KIF22: variants seen among roughly 807,000 people sequenced by gnomAD.
KIF22 encodes kinesin-like protein KIF22.
In KIF22, 62 loss-of-function variants were observed where a neutral mutation model predicts 73.0. The ratio of observed to expected loss-of-function variants is 0.85; its 90% CI spans 0.69 to 1.05. The LOEUF is 1.05. Ranked by LOEUF, KIF22 falls within the 50% of genes least tolerant of loss-of-function variation. The pLI, the probability that KIF22 is intolerant of heterozygous loss-of-function variation, is 0.00. For missense variants in KIF22, 854 were observed against 870.1 expected, an observed-to-expected ratio of 0.98 and a Z score of 0.23; for synonymous variants, 411 against 340.1, an observed-to-expected ratio of 1.21 and a Z score of -2.29.
At position 29,799,352 on chromosome 16, in the gene KIF22, G is replaced by A. The variant is rs776978629; in HGVS notation, c.848G>A (p.Arg283His). Reference protein sequence around the residue: ...IDLAGSEDNRRTGNKGLRLKE... With the variant: ...IDLAGSEDNRHTGNKGLRLKE... ...TTGGCTGGGTCAGAGGACAACCGGC[G>A]CACAGGCAACAAGGGCCTTCGGCTA... is the stretch of plus-strand genomic sequence containing the variant. The change falls in exon 6 of 14, where the codon CGC (arginine) becomes CAC (histidine). Residue 283 changes from arginine (R) to histidine (H), a missense_variant. By Grantham distance (29) the Arg-to-His change is conservative (BLOSUM62 0). Around this residue, in one of 3 missense-constraint regions of KIF22, gnomAD observed 245 missense variants for 351.8 expected, o/e 0.70. Transcript: ENST00000160827. 10 of 1,614,216 alleles carry A rather than the reference G, an allele frequency of 6.2e-6. No individual in the cohort carries two copies. The highest frequency in any genetic ancestry group is 3.3e-5 in the South Asian group (3 of 91,076).
intron 13 of KIF22, 30 bp downstream of exon 13, chr16:29,805,204 C>G: frequency 6.2e-7 from 1 of 1,614,136 alleles, no homozygotes; most frequent in Non-Finnish European, 8.5e-7. Flanking sequence ...CCTCCTCTGC[C>G]TGTCCTGCGC....
At chr16:29,804,112 G>A in intron 11 of KIF22, 47 bp downstream of exon 11, 1 of 1,477,222 alleles carries the variant, frequency 6.8e-7, no homozygotes, top group Middle Eastern at 1.7e-4. Context: ...CCAGAAGTAA[G>A]GGGGAGTAGG....
rs763557771 is a variant in KIF22 at position 29,803,535 on chromosome 16, C to T, written c.1536C>T (p.Leu512=). 6.2e-7 allele frequency: 1 copy of T among 1,614,082 alleles called. No individual in the cohort carries two copies. The highest frequency in any genetic ancestry group is 1.1e-5 in the South Asian group (1 of 91,028). ...EEKENHCPTM[L]RPLSHRTVTG... ...AGGAGAACCATTGTCCCACAATGCTCCGGCCCCTTTCACATCGCACAGTCA... is the reference window on the plus strand; with the variant it reads ...AGGAGAACCATTGTCCCACAATGCTTCGGCCCCTTTCACATCGCACAGTCA... The change falls in exon 10 of 14, where the codon CTC becomes CTT. Residue 512 remains leucine, a synonymous_variant. Coordinates refer to ENST00000160827, the MANE Select transcript of KIF22 (RefSeq NM_007317.3).
At chr16:29,804,233 T>A (rs1899256874) in intron 11 of KIF22, 168 bp downstream of exon 11, 1 of 652,042 alleles carries the variant, frequency 1.5e-6, no homozygotes, top group East Asian at 2.7e-5. Flanking sequence ...GATGGTTCCT[T>A]GCAGGGCATT....
At position 29,800,051 on chromosome 16, in the gene KIF22, G is replaced by A. The variant is rs780736984; in HGVS notation, c.1280+3G>A. 1.4e-5 allele frequency: 23 copies of A among 1,609,110 alleles called. No homozygotes were observed. The South Asian group carries it at 2.5e-4, about 18-fold the overall frequency. ...GCCTCTGCCTCCCAGAAACTCAGGT[G>A]AGCAGTGGGGCCTTGGGTGTATCCC... On this transcript the variant is annotated splice_donor_region_variant and intron_variant, in intron 8 of 13. Transcript: ENST00000160827.
intron 10 of KIF22, 87 bp from the exon 11 acceptor site, chr16:29,803,911 G>A: frequency 2.9e-6 from 3 of 1,017,664 alleles, no homozygotes; most frequent in Non-Finnish European, 4.7e-6. Flanking sequence ...GGGAGCTGGG[G>A]AATCAGAAAT....
chr16:29,798,414 A>C lies in KIF22; in HGVS notation c.307A>C (p.Ile103Leu), dbSNP rs1432073168. ...FYGERSTQQD[I>L]YAGSVQPILR... ...TGGGGAGAGGAGTACTCAGCAGGAC[A>C]TCTATGCAGGTTCAGTGCAGCCCAT... Residue 103 changes from isoleucine to leucine, a missense_variant, in exon 3 of 14, where the codon ATC (isoleucine) becomes CTC (leucine). Ile to Leu is a conservative substitution (Grantham distance 5). Coordinates refer to ENST00000160827, the MANE Select transcript of KIF22 (RefSeq NM_007317.3). The surrounding 1 kb of genome is among the most constrained non-coding windows in gnomAD (Gnocchi z 4.1). 1 of 1,613,656 alleles carries C rather than the reference A, an allele frequency of 6.2e-7. No individual in the cohort carries two copies. Among genetic ancestry groups the C allele is most frequent in the Non-Finnish European group, 8.5e-7 (1 of 1,180,018 alleles).
intron 11 of KIF22, 82 bp downstream of exon 11, chr16:29,804,147 T>G: frequency 2.5e-6 from 3 of 1,184,710 alleles, no homozygotes; most frequent in Non-Finnish European, 3.8e-6. Flanking sequence ...GCGTTGGCCT[T>G]GGGGTTAAAC....
chr16:29,797,021 C>T lies in KIF22; in HGVS notation c.199C>T (p.Arg67Trp), dbSNP rs771855229. The T allele has an allele frequency of 1.5e-5, 25 of 1,613,104 alleles. No individual in the cohort carries two copies. In the East Asian group the frequency reaches 2.9e-4, roughly 19 times the overall value. Residue 67 changes from arginine (R) to tryptophan (W), a missense_variant, in exon 2 of 14, where the codon CGG becomes TGG. Around this residue, in one of 3 missense-constraint regions of KIF22, gnomAD observed 186 missense variants for 152.9 expected, o/e 1.22. Coordinates refer to ENST00000160827, the MANE Select transcript of KIF22 (RefSeq NM_007317.3). This position sits in a 1 kb window ranked among gnomAD's most constrained non-coding sequence, Gnocchi z 4.1. ...GGGAGCAAGTGATCCCCCCTGTGTG[C>T]GGGGCATGGACAGCTGCTCTCTAGA... ...TAGASDPPCV[R>W]GMDSCSLEIA...
At chr16:29,792,167 T>A (rs200425893) in intron 1 of KIF22, among the ~76,000 whole-genome samples, 2 of 151,964 alleles carry the variant, frequency 1.3e-5, no homozygotes, top group Non-Finnish European at 2.9e-5. Flanking sequence ...ATTTATGATG[T>A]AAGATGCTCT....
At position 29,791,877 on chromosome 16, in the gene KIF22, A is replaced by T. The variant is rs558696232; in HGVS notation, c.70+1048A>T. On this transcript the variant is annotated intron_variant, in intron 1 of 13. Transcript: ENST00000160827. ...GTCTCCCCTTACCCTTCGAAGATGC[A>T]CTGTGTCCGGTGCATGGTAGATATG... Among the ~76,000 whole-genome samples, 4 of 152,250 alleles carry T rather than the reference A, an allele frequency of 2.6e-5. No homozygotes were observed. The East Asian group carries it at 7.7e-4, about 29-fold the overall frequency.
chr16:29,793,353 TCG>T (rs1898866173), intron 1 of KIF22, among the ~76,000 whole-genome samples: 1 of 152,038 alleles, frequency 6.6e-6, no homozygotes, highest in Non-Finnish European at 1.5e-5. Context: ...GGCAGGAGAA[TCG>T]CTTGAACCGG....
rs775476831 is a variant in KIF22, at chr16:29,797,688, C to T, written c.266+600C>T. 5.9e-5 allele frequency among the ~76,000 whole-genome samples: 9 copies of T among 152,152 alleles called. No individual in the cohort carries two copies. The highest frequency in any genetic ancestry group is 3.3e-4 in the Admixed American group (5 of 15,264). On this transcript the variant is annotated intron_variant, in intron 2 of 13. Coordinates refer to ENST00000160827, the MANE Select transcript of KIF22 (RefSeq NM_007317.3). This position sits in a 1 kb window ranked among gnomAD's most constrained non-coding sequence, Gnocchi z 4.1. ...AGTAGTTGTAAAAGGAACACATGGC[C>T]CACAAAGCCTAAAATATGTACAATC...
intron 1 of KIF22, among the ~76,000 whole-genome samples, chr16:29,791,740 AAC>A (rs1279357287): frequency 6.6e-6 from 1 of 152,238 alleles, no homozygotes; most frequent in Non-Finnish European, 1.5e-5. Context: ...GTTCAGAGTT[AAC>A]ACAACTAGTA....
intron 1 of KIF22, chr16:29,791,137 G>A: frequency 7.6e-7 from 1 of 1,322,054 alleles, no homozygotes; most frequent in Non-Finnish European, 9.7e-7. Context: ...CGGGGGTCAT[G>A]GCCTCATCCC....
rs780849125 is a variant in KIF22 at position 29,798,558 on chromosome 16, G to A, written c.395-35G>A. 20 of 1,613,718 alleles carry A rather than the reference G, an allele frequency of 1.2e-5. No individual in the cohort carries two copies. Among genetic ancestry groups the A allele is most frequent in the Non-Finnish European group, 1.6e-5 (19 of 1,179,840 alleles). On this transcript the variant is annotated intron_variant, in intron 3 of 13. Transcript: ENST00000160827. The surrounding 1 kb of genome is among the most constrained non-coding windows in gnomAD (Gnocchi z 4.1). ...TCAGAAAGGGCTGGGGAAACGGAGA[G>A]GAAAACCTCACAGTTTTCTCCACTC...
At chr16:29,803,351 G>T in intron 9 of KIF22, 98 bp from the exon 10 acceptor site, 1 of 1,444,942 alleles carries the variant, frequency 6.9e-7, no homozygotes, top group Non-Finnish European at 9.4e-7. Context: ...CCTGCCCTCT[G>T]GGGGCTCAGA....
chr16:29,802,799 G>C lies in KIF22; in HGVS notation c.1311G>C (p.Pro437=), dbSNP rs1043807128. The C allele has an allele frequency of 1.2e-6, 2 of 1,601,276 alleles. No homozygotes were observed. Among genetic ancestry groups the C allele is most frequent in the South Asian group, 1.1e-5 (1 of 88,954 alleles). Residue 437 remains proline, a synonymous_variant, in exon 9 of 14, where the codon CCG becomes CCC. Coordinates refer to ENST00000160827, the MANE Select transcript of KIF22 (RefSeq NM_007317.3). ...TACAGAAGCTAAGCAGCATGGACCC[G>C]GCCATGCTGGAGCGCCTCCTCAGCT... The part of the protein sequence containing the change: ...SPLQKLSSMD[P]AMLERLLSLD...
rs1471528171 is a variant in KIF22, at chr16:29,805,285, C to T, written c.1973C>T (p.Ala658Val). The change falls in exon 14 of 14, where the codon GCC becomes GTC. Residue 658 changes from alanine to valine, a missense_variant. Physicochemically the swap from Ala to Val is moderately conservative, Grantham distance 64. This residue lies in a region of KIF22 where 423 missense variants were observed against 365.4 expected (regional missense o/e 1.16). Coordinates refer to ENST00000160827, the MANE Select transcript of KIF22 (RefSeq NM_007317.3). The part of the protein sequence containing the change: ...FLKANILGLA[A>V]GQRCGAS ...CAGGCAAACATCCTGGGTCTCGCCG[C>T]CGGCCAGCGCTGTGGCGCCTCCTGA... The T allele has an allele frequency of 1.2e-6, 2 of 1,613,896 alleles. No homozygotes were observed. Among genetic ancestry groups the T allele is most frequent in the Admixed American group, 3.3e-5 (2 of 60,034 alleles).
Sources: gnomAD v4.1 joint callset for allele counts (sites outside exome capture counted in the v4.1 genomes callset) on GRCh38, gnomAD v4.1.1 for gene constraint, gnomAD v4.1.1 regional missense constraint, Gnocchi (gnomAD v3.1) non-coding constraint, MANE v1.5 for transcripts, NCBI Gene and HGNC (gene_info 2026-07-23, HGNC 2026-07-21) for gene names.